CDV3: variants seen among roughly 807,000 people sequenced by gnomAD.
CDV3 encodes CDV3 homolog.
In CDV3, 14 loss-of-function variants were observed where a neutral mutation model predicts 24.5. The ratio of observed to expected loss-of-function variants is 0.57; its 90% CI spans 0.38 to 0.89. CDV3 has a LOEUF of 0.89. Among genes scored for constraint, CDV3 ranks in the 40% least tolerant of loss-of-function variants. The pLI is 0.00. For synonymous variants in CDV3, 114 were observed against 114.1 expected (o/e 1.00, Z 0.00); for missense variants, 304 against 310.2 (o/e 0.98, Z 0.15).
intron 4 of CDV3, chr3:133,587,601 A>C (rs772350934): frequency 2.3e-5 from 26 of 1,137,426 alleles, no homozygotes; most frequent in African/African-American, 3.2e-5. Context: ...TAAGAGTCTT[A>C]GGAGGAATGT....
chr3:133,576,312 A>C (rs968100819), intron 2 of CDV3, among the ~76,000 whole-genome samples: 3 of 152,180 alleles, frequency 2.0e-5, no homozygotes, highest in African/African-American at 7.2e-5. Flanking sequence ...TTGATTCCCA[A>C]CCACTTGTTG....
chr3:133,577,979 G>T (rs1329047637), intron 2 of CDV3, among the ~76,000 whole-genome samples: 1 of 152,032 alleles, frequency 6.6e-6, no homozygotes, highest in Non-Finnish European at 1.5e-5. Context: ...GGCCCTGTAG[G>T]CCTCTTTCAT....
In CDV3 at chr3:133,574,190, G is replaced by A. The variant is rs1395568479; in HGVS notation, c.146G>A (p.Gly49Asp). 1.7e-4 allele frequency: 170 copies of A among 1,021,144 alleles called. No homozygotes were observed. Among genetic ancestry groups the A allele is most frequent in the Non-Finnish European group, 1.9e-4 (165 of 858,420 alleles). 63.3% of individuals were successfully genotyped at this position (1,021,144 alleles called of 1,614,324 possible). ...AGCAGTGGAGCCGCGGGTGCGGCGGGCGGCGGGGCGGGCGCGGGGACCCGG... is the reference window on the plus strand; with the variant it reads ...AGCAGTGGAGCCGCGGGTGCGGCGGACGGCGGGGCGGGCGCGGGGACCCGG... The part of the protein sequence containing the change: ...GGSSGAAGAA[G>D]GGAGAGTRPG... Residue 49 changes from glycine (G) to aspartate (D), a missense_variant, in exon 1 of 5, where the codon GGC becomes GAC. Gly to Asp is a moderately conservative substitution (Grantham distance 94). Coordinates refer to ENST00000264993, the MANE Select transcript of CDV3 (RefSeq NM_017548.5).
At chr3:133,576,633 AT>A (rs1420380120) in intron 2 of CDV3, among the ~76,000 whole-genome samples, 2 of 152,074 alleles carry the variant, frequency 1.3e-5, no homozygotes, top group Non-Finnish European at 2.9e-5. Context: ...AACTATGGAG[AT>A]TATTTAAACA....
intron 2 of CDV3, among the ~76,000 whole-genome samples, chr3:133,578,496 C>G (rs1576640738): frequency 6.6e-6 from 1 of 152,308 alleles, no homozygotes; most frequent in East Asian, 1.9e-4. Context: ...GACTACTCTG[C>G]TAGACACTGA....
At chr3:133,580,080 C>CA (rs2074957842) in intron 2 of CDV3, among the ~76,000 whole-genome samples, 1 of 152,230 alleles carries the variant, frequency 6.6e-6, no homozygotes, top group Non-Finnish European at 1.5e-5. Flanking sequence ...ATCAACTTGT[C>CA]ATTTACATTA....
intron 2 of CDV3, among the ~76,000 whole-genome samples, chr3:133,582,604 C>G (rs1933154634): frequency 6.6e-6 from 1 of 152,172 alleles, no homozygotes; most frequent in African/African-American, 2.4e-5. Context: ...TATCCTTTTG[C>G]AGAAGCCAAG....
chr3:133,574,143 C>T lies in CDV3; in HGVS notation c.99C>T (p.Gly33=), dbSNP rs546879668. 3.4e-6 allele frequency: 4 copies of T among 1,187,262 alleles called. No individual in the cohort carries two copies. Among genetic ancestry groups the T allele is most frequent in the East Asian group, 1.6e-4 (2 of 12,664 alleles). The allele number at this position is 1,187,262 out of a possible 1,614,324, so 73.5% of individuals were successfully genotyped here. A position where few individuals can be genotyped will look rare whatever the true frequency, so the allele number is the denominator to read the frequency against. ...ERSNRAASAA[G]AAGSAGGSSG... Reference sequence around the variant, plus strand: ...GCAACCGGGCGGCGAGTGCCGCGGGCGCAGCGGGCAGCGCCGGCGGAAGCA... The same window carrying T: ...GCAACCGGGCGGCGAGTGCCGCGGGTGCAGCGGGCAGCGCCGGCGGAAGCA... Residue 33 remains glycine, a synonymous_variant, in exon 1 of 5, where the codon GGC becomes GGT. Coordinates refer to ENST00000264993, the MANE Select transcript of CDV3 (RefSeq NM_017548.5).
At chr3:133,577,044 C>T (rs2074842750) in intron 2 of CDV3, among the ~76,000 whole-genome samples, 1 of 151,602 alleles carries the variant, frequency 6.6e-6, no homozygotes, top group African/African-American at 2.4e-5. Context: ...GACGGAGTTT[C>T]ATCATGTTGG....
At chr3:133,585,217 AT>A (rs934772720) in intron 3 of CDV3, among the ~76,000 whole-genome samples, 1 of 151,844 alleles carries the variant, frequency 6.6e-6, no homozygotes, top group Admixed American at 6.6e-5. Context: ...TGTTTATTTT[AT>A]TGTAGAGATG....
At chr3:133,582,222 T>G (rs1055387172) in intron 2 of CDV3, among the ~76,000 whole-genome samples, 1 of 152,168 alleles carries the variant, frequency 6.6e-6, no homozygotes, top group Non-Finnish European at 1.5e-5. Context: ...AGTGGCACAG[T>G]CTTGGCCCAC....
At chr3:133,576,555 A>AG (rs527608206) in intron 2 of CDV3, among the ~76,000 whole-genome samples, 418 of 29,040 alleles carry the variant, frequency 0.014, 2 homozygotes, top group African/African-American at 0.06. Context: ...GAACTTGGCA[A>AG]AATAGCACTT....
intron 2 of CDV3, among the ~76,000 whole-genome samples, chr3:133,577,481 C>CT (rs1344948231): frequency 6.6e-6 from 1 of 152,098 alleles, no homozygotes; most frequent in Admixed American, 6.5e-5. Context: ...CTGCCTCAGC[C>CT]TTCCGAGTAG....
chr3:133,576,059 C>A (rs2074794397), intron 2 of CDV3, among the ~76,000 whole-genome samples: 1 of 152,194 alleles, frequency 6.6e-6, no homozygotes, highest in Non-Finnish European at 1.5e-5. Context: ...TGTCTTTTGA[C>A]TTCTCTGGAT....
chr3:133,575,243 A>G, intron 2 of CDV3, 128 bp downstream of exon 2: 2 of 588,970 alleles, frequency 3.4e-6, no homozygotes, highest in Non-Finnish European at 6.2e-6. Context: ...TTAGGACTCA[A>G]ATGGGTTCTG....
Position 133,588,296 on chromosome 3 carries a change from A to T in CDV3, c.*250A>T. 1.3e-6 allele frequency: 2 copies of T among 1,537,972 alleles called. No homozygotes were observed. The highest frequency in any genetic ancestry group is 2.4e-5 in the South Asian group (2 of 83,906). On this transcript the variant is annotated 3_prime_UTR_variant, in exon 5 of 5. Coordinates refer to ENST00000264993, the MANE Select transcript of CDV3 (RefSeq NM_017548.5). ...AGTGTTCTTTCATATTTACTCTGCA[A>T]ATACAAAAAACCAAAACCTGCAGCC... is the stretch of plus-strand genomic sequence containing the variant.
In CDV3 at chr3:133,587,993, A is replaced by G; in HGVS notation, c.724A>G (p.Asn242Asp). ...CCAGGCCCTTAAACTTCAGCTAGACAACCAATATGCTGTGCTTGAAAATCA... is the reference window on the plus strand; with the variant it reads ...CCAGGCCCTTAAACTTCAGCTAGACGACCAATATGCTGTGCTTGAAAATCA... ...KNQALKLQLDNQYAVLENQKS... is the reference protein window; with the variant it reads ...KNQALKLQLDDQYAVLENQKS... The change falls in exon 5 of 5, where the codon AAC becomes GAC. Residue 242 changes from asparagine to aspartate, a missense_variant. By Grantham distance (23) the Asn-to-Asp change is conservative. This residue lies in a region of CDV3 where 56 missense variants were observed against 50.9 expected (regional missense o/e 1.10). Transcript: ENST00000264993. 6.2e-7 allele frequency: 1 copy of G among 1,614,128 alleles called. No homozygotes were observed. Among genetic ancestry groups the G allele is most frequent in the Non-Finnish European group, 8.5e-7 (1 of 1,180,012 alleles).
intron 2 of CDV3, among the ~76,000 whole-genome samples, chr3:133,582,920 CAAAAG>C (rs1933192879): frequency 6.6e-6 from 1 of 151,936 alleles, no homozygotes; most frequent in East Asian, 1.9e-4. Context: ...TGTCAAGAGA[CAAAAG>C]ATAAATACAC....
rs767685295 is a variant in CDV3, at chr3:133,586,574, C to T, written c.478C>T (p.Pro160Ser). 1.5e-5 allele frequency: 24 copies of T among 1,580,162 alleles called. No individual in the cohort carries two copies. In the South Asian group the frequency reaches 2.6e-4, roughly 17 times the overall value. The change falls in exon 4 of 5, where the codon CCA becomes TCA. Residue 160 changes from proline to serine, a missense_variant. Pro to Ser is a moderately conservative substitution (Grantham distance 74). This residue lies in a region of CDV3 where 219 missense variants were observed against 203.6 expected (regional missense o/e 1.08). Transcript: ENST00000264993. ...TTATAAAATATTAGTTACAGAAACC[C>T]CAGAACCAGCGATGACTAGTGGTGT... ...PPAPVIVTET[P>S]EPAMTSGVYR...
Sources: allele counts gnomAD v4.1 joint callset (sites outside exome capture counted in the v4.1 genomes callset), GRCh38; gene constraint gnomAD v4.1.1; regional missense constraint gnomAD v4.1.1; transcripts MANE v1.5; gene names NCBI Gene and HGNC (gene_info 2026-07-23, HGNC 2026-07-21).